The following CHST8 variants were observed in gnomAD, a reference collection of about 807,000 sequenced individuals.
CHST8 encodes carbohydrate sulfotransferase 8.
A neutral mutation model predicts 15.0 loss-of-function variants in CHST8; 10 were observed. That is an observed-to-expected ratio of 0.67 (90% CI 0.41 to 1.13). The LOEUF (loss-of-function observed/expected upper bound fraction) is 1.13, where lower values mean the gene tolerates loss of function less well. CHST8 is among the 50% of genes most tolerant of loss of function. The pLI is 0.00. For missense variants in CHST8, 634 were observed against 608.2 expected, an observed-to-expected ratio of 1.04 and a Z score of -0.45; for synonymous variants, 259 against 256.6, an observed-to-expected ratio of 1.01 and a Z score of -0.09.
At chr19:33,749,342 G>A (rs1392397623) in intron 3 of CHST8, among the ~76,000 whole-genome samples, 2 of 151,974 alleles carry the variant, frequency 1.3e-5, no homozygotes, top group East Asian at 3.9e-4. Flanking sequence ...GTCAAGCTGG[G>A]GCAAAATAAT....
Position 33,648,902 on chromosome 19 carries a change from C to CTTTTTTTT in CHST8, c.-163-18853_-163-18846dup, listed in dbSNP as rs376386370. Reference sequence around the variant, plus strand: ...TTCAGGCGTAAAAAGGAATGAAGCACTTTTTTTTTTTTTTTTTTTGAGTTG... The same window carrying CTTTTTTTT: ...TTCAGGCGTAAAAAGGAATGAAGCACTTTTTTTTTTTTTTTTTTTTTTTTTTTGAGTTG... On this transcript the variant is annotated intron_variant, in intron 1 of 4. Coordinates refer to ENST00000650847, the MANE Select transcript of CHST8 (RefSeq NM_001127895.2). Among the ~76,000 whole-genome samples, 14 of 99,976 alleles carry CTTTTTTTT rather than the reference C, an allele frequency of 1.4e-4. 1 individual carries two copies. Among genetic ancestry groups the CTTTTTTTT allele is most frequent in the African/African-American group, 2.4e-4 (6 of 24,848 alleles). The allele number at this position is 99,976 out of a possible 152,430, so 65.6% of individuals were successfully genotyped here.
intron 1 of CHST8, among the ~76,000 whole-genome samples, chr19:33,650,179 T>G (rs1282946923): frequency 1.3e-5 from 2 of 152,124 alleles, no homozygotes; most frequent in Non-Finnish European, 2.9e-5. Flanking sequence ...GGAGAGGAAG[T>G]CTAACGGTGG....
intron 1 of CHST8, among the ~76,000 whole-genome samples, chr19:33,665,121 G>GGATC (rs1263756088): frequency 1.3e-5 from 2 of 152,110 alleles, no homozygotes; most frequent in African/African-American, 4.8e-5. Flanking sequence ...ACCCAGGAGT[G>GGATC]GATCATATGG....
At chr19:33,674,165 A>C (rs1367745049) in intron 2 of CHST8, among the ~76,000 whole-genome samples, 2 of 152,140 alleles carry the variant, frequency 1.3e-5, no homozygotes, top group African/African-American at 4.8e-5. Context: ...GGAGGGATGG[A>C]GGGATTCAGC....
At chr19:33,718,758 C>T (rs541779530) in intron 3 of CHST8, among the ~76,000 whole-genome samples, 2 of 152,316 alleles carry the variant, frequency 1.3e-5, no homozygotes, top group South Asian at 2.1e-4. Context: ...AGGTCAGAGC[C>T]GCAGCCTGCG....
intron 1 of CHST8, among the ~76,000 whole-genome samples, chr19:33,657,589 G>A (rs1459095365): frequency 6.6e-6 from 1 of 150,388 alleles, no homozygotes; most frequent in Non-Finnish European, 1.5e-5. Context: ...TATTTTTAAG[G>A]GACAAAGTCT....
At chr19:33,764,614 TC>T (rs1289282396) in intron 3 of CHST8, among the ~76,000 whole-genome samples, 3 of 152,200 alleles carry the variant, frequency 2.0e-5, no homozygotes, top group African/African-American at 7.2e-5. Flanking sequence ...CAATCCCAGC[TC>T]CCTGTGCTTG....
chr19:33,666,832 AGC>A (rs1486712760), intron 1 of CHST8, among the ~76,000 whole-genome samples: 3 of 152,140 alleles, frequency 2.0e-5, no homozygotes, highest in Non-Finnish European at 4.4e-5. Context: ...CCTCCCGCGT[AGC>A]TGGGACTACA....
At position 33,772,287 on chromosome 19, in the gene CHST8, T is replaced by C. The variant is rs201254683; in HGVS notation, c.499T>C (p.Tyr167His). ...KRVMQEACAK[Y>H]RASSSRRAVT... ...GGTGATGCAGGAGGCCTGCGCCAAGTACCGGGCGAGCAGCAGCCGCCGGGC... is the reference window on the plus strand; with the variant it reads ...GGTGATGCAGGAGGCCTGCGCCAAGCACCGGGCGAGCAGCAGCCGCCGGGC... The change falls in exon 5 of 5, where the codon TAC becomes CAC. Residue 167 changes from tyrosine to histidine, a missense_variant. By Grantham distance (83) the Tyr-to-His change is moderately conservative. Transcript: ENST00000650847. 1.6e-3 allele frequency: 2,643 copies of C among 1,601,954 alleles called. 3 individuals carry two copies. Among genetic ancestry groups the C allele is most frequent in the Non-Finnish European group, 1.9e-3 (2,227 of 1,179,026 alleles).
Position 33,698,388 on chromosome 19 carries a change from G to GA in CHST8, c.130+9011dup, listed in dbSNP as rs869303685. ...ACAAAGCGAGACTCCATCTCAAAAA[G>GA]AAAAAAAAAAAAAAGAAAGAAAGAA... On this transcript the variant is annotated intron_variant, in intron 3 of 4. Transcript: ENST00000650847. Among the ~76,000 whole-genome samples, 892 of 93,970 alleles carry GA rather than the reference G, an allele frequency of 9.5e-3. 3 individuals are homozygous for GA. Among genetic ancestry groups the GA allele is most frequent in the Non-Finnish European group, 0.014 (635 of 46,438 alleles). The allele number at this position is 93,970 out of a possible 152,430, so 61.6% of individuals were successfully genotyped here.
intron 3 of CHST8, among the ~76,000 whole-genome samples, chr19:33,698,940 A>G (rs1010869911): frequency 6.6e-6 from 1 of 152,064 alleles, no homozygotes; most frequent in Admixed American, 6.5e-5. Context: ...CAGGGTGGGG[A>G]GGGCTATGGG....
chr19:33,689,684 A>G (rs1973060738), intron 3 of CHST8, among the ~76,000 whole-genome samples: 2 of 152,184 alleles, frequency 1.3e-5, no homozygotes, highest in African/African-American at 4.8e-5. Flanking sequence ...ACTCAGATTT[A>G]AACAGGATTC....
intron 3 of CHST8, among the ~76,000 whole-genome samples, chr19:33,738,983 G>A (rs1172211232): frequency 6.6e-6 from 1 of 152,122 alleles, no homozygotes; most frequent in Non-Finnish European, 1.5e-5. Context: ...AAAGCCGGGA[G>A]GACCCTGCAT....
At chr19:33,631,232 C>G (rs1477773472) in intron 1 of CHST8, among the ~76,000 whole-genome samples, 2 of 152,336 alleles carry the variant, frequency 1.3e-5, no homozygotes, top group East Asian at 3.9e-4. Context: ...GACACCTTCC[C>G]TTTTTCCTAT....
intron 1 of CHST8, among the ~76,000 whole-genome samples, chr19:33,652,331 C>CT (rs565022363): frequency 4.5e-4 from 51 of 114,402 alleles, no homozygotes; most frequent in East Asian, 1.4e-3. Flanking sequence ...AGTTGGTTTT[C>CT]TTTTTTTTTG....
At chr19:33,747,282 G>A (rs574970234) in intron 3 of CHST8, among the ~76,000 whole-genome samples, 4 of 152,254 alleles carry the variant, frequency 2.6e-5, no homozygotes, top group Admixed American at 2.6e-4. Context: ...AGTTAGTGGG[G>A]ACAGCTAATT....
chr19:33,768,906 T>A (rs1009049967), intron 3 of CHST8, among the ~76,000 whole-genome samples: 1 of 152,224 alleles, frequency 6.6e-6, no homozygotes, highest in Non-Finnish European at 1.5e-5. Context: ...CAAGGCAATT[T>A]TTCCTTTCAA....
At chr19:33,699,681 T>A (rs1568333593) in intron 3 of CHST8, among the ~76,000 whole-genome samples, 1 of 152,158 alleles carries the variant, frequency 6.6e-6, no homozygotes, top group Non-Finnish European at 1.5e-5. Context: ...GCCGGGGCTC[T>A]TGTTTTGATG....
intron 3 of CHST8, among the ~76,000 whole-genome samples, chr19:33,690,870 T>C (rs952066975): frequency 6.6e-6 from 1 of 152,184 alleles, no homozygotes; most frequent in Non-Finnish European, 1.5e-5. Context: ...GTTATCTGCA[T>C]AGAAGCACAG....
Sources: allele counts gnomAD v4.1 joint callset (sites outside exome capture counted in the v4.1 genomes callset), GRCh38; gene constraint gnomAD v4.1.1; transcripts MANE v1.5; gene names NCBI Gene and HGNC (gene_info 2026-07-23, HGNC 2026-07-21).